FANCL: variants seen among roughly 807,000 people sequenced by gnomAD.
FANCL encodes FA complementation group L.
FANCL carries 69 observed loss-of-function variants against 59.4 expected under a neutral mutation model. The ratio of observed to expected loss-of-function variants is 1.16; its 90% CI spans 0.96 to 1.42. FANCL has a LOEUF of 1.42. FANCL is among the 40% of genes most tolerant of loss of function. The probability of loss-of-function intolerance (pLI) is 0.00; values close to 1 mark genes in which losing one functional copy is unlikely to be tolerated. For missense variants in FANCL, 519 were observed against 447.2 expected (o/e 1.16, Z -1.45); for synonymous variants, 180 against 147.1 (o/e 1.22, Z -1.62).
chr2:58,189,401 T>C (rs1573636900), intron 7 of FANCL, among the ~76,000 whole-genome samples: 1 of 152,164 alleles, frequency 6.6e-6, no homozygotes, highest in East Asian at 1.9e-4. Flanking sequence ...AAACACAAAA[T>C]AGTAACAATC....
In FANCL at chr2:58,159,305, ACTCACGT is replaced by A; in HGVS notation, c.*453_*459del. On this transcript the variant is annotated 3_prime_UTR_variant, in exon 14 of 14. Transcript: ENST00000233741. ...ACTACACAAAATAAATACTTGGATA[ACTCACGT>A]CTAACAAACTAAACTATATATGTAT... is the stretch of plus-strand genomic sequence containing the variant. 1 of 1,419,170 alleles carries A rather than the reference ACTCACGT, an allele frequency of 7.0e-7. No individual in the cohort carries two copies. The allele number at this position is 1,419,170 out of a possible 1,614,324, so 87.9% of individuals were successfully genotyped here.
chr2:58,184,578 TAATAAG>T lies in FANCL; in HGVS notation c.540+14010_540+14015del, dbSNP rs555893973. Reference sequence around the variant, plus strand: ...CCGTCTGTTTTGTGCATACATACAATAATAAGAATAAGGAAATGAATAAAAATATAA... The same window carrying T: ...CCGTCTGTTTTGTGCATACATACAATAATAAGGAAATGAATAAAAATATAA... On this transcript the variant is annotated intron_variant, in intron 7 of 13. Transcript: ENST00000233741. Among the ~76,000 whole-genome samples the T allele has an allele frequency of 2.6e-4, 39 of 152,002 alleles. No homozygotes were observed. The East Asian group carries it at 6.0e-3, about 23-fold the overall frequency.
chr2:58,235,638 T>C (rs954149037), intron 1 of FANCL, among the ~76,000 whole-genome samples: 1 of 152,024 alleles, frequency 6.6e-6, no homozygotes, highest in African/African-American at 2.4e-5. Flanking sequence ...ACCAAGCACA[T>C]ATATTTCCTG....
chr2:58,165,616 A>T, intron 8 of FANCL, 108 bp downstream of exon 8: 1 of 1,370,576 alleles, frequency 7.3e-7, no homozygotes, highest in East Asian at 2.3e-5. Context: ...AAATTTTAAT[A>T]GTTGACTTCA....
chr2:58,223,151 A>C (rs1450161109), intron 4 of FANCL, among the ~76,000 whole-genome samples: 2 of 151,306 alleles, frequency 1.3e-5, no homozygotes, highest in Non-Finnish European at 3.0e-5. Flanking sequence ...AAAAAAAAAA[A>C]ACAACTGGGA....
intron 6 of FANCL, among the ~76,000 whole-genome samples, chr2:58,202,971 A>G (rs956962928): frequency 6.6e-6 from 1 of 151,480 alleles, no homozygotes; most frequent in African/African-American, 2.4e-5. Flanking sequence ...GAAATGACAG[A>G]ACCCTTGCCA....
At chr2:58,188,717 G>A (rs1182423317) in intron 7 of FANCL, among the ~76,000 whole-genome samples, 7 of 151,620 alleles carry the variant, frequency 4.6e-5, no homozygotes, top group Non-Finnish European at 8.8e-5. Context: ...TGGGATTACG[G>A]GTGTGAGACA....
intron 5 of FANCL, among the ~76,000 whole-genome samples, chr2:58,209,886 A>T (rs761509078): frequency 4.6e-5 from 7 of 152,170 alleles, no homozygotes; most frequent in Non-Finnish European, 8.8e-5. Flanking sequence ...TATCACCATT[A>T]ATCAGCTTCT....
intron 7 of FANCL, among the ~76,000 whole-genome samples, chr2:58,168,172 C>A (rs1026061411): frequency 6.6e-6 from 1 of 152,018 alleles, no homozygotes; most frequent in Non-Finnish European, 1.5e-5. Flanking sequence ...GATGGCCAAA[C>A]AGGAACAGCT....
At chr2:58,194,757 A>C (rs1689268188) in intron 7 of FANCL, among the ~76,000 whole-genome samples, 1 of 151,930 alleles carries the variant, frequency 6.6e-6, no homozygotes, top group African/African-American at 2.4e-5. Flanking sequence ...ACATTGTGCA[A>C]GTTATAATTA....
At chr2:58,161,875 G>A (rs974202200) in intron 11 of FANCL, among the ~76,000 whole-genome samples, 1 of 151,848 alleles carries the variant, frequency 6.6e-6, no homozygotes, top group African/African-American at 2.4e-5. Context: ...GGTAAGATCA[G>A]GAAGAATGTT....
intron 7 of FANCL, among the ~76,000 whole-genome samples, chr2:58,172,093 C>T (rs1233738105): frequency 1.3e-5 from 2 of 152,224 alleles, no homozygotes; most frequent in African/African-American, 4.8e-5. Flanking sequence ...ACAAAGCAGC[C>T]GGGAAGCTCG....
chr2:58,163,637 C>T (rs1017849054), intron 8 of FANCL, 120 bp from the exon 9 acceptor site: 127 of 672,270 alleles, frequency 1.9e-4, no homozygotes, highest in Non-Finnish European at 2.8e-4. Context: ...AAAGATTAAC[C>T]AAATGTTTTG....
intron 7 of FANCL, among the ~76,000 whole-genome samples, chr2:58,197,376 G>A (rs906650120): frequency 6.6e-6 from 1 of 151,890 alleles, no homozygotes; most frequent in Non-Finnish European, 1.5e-5. Context: ...GCCAAAATGA[G>A]TAGCCTCCAT....
intron 6 of FANCL, among the ~76,000 whole-genome samples, chr2:58,203,374 GAA>G (rs1457790236): frequency 6.6e-6 from 1 of 151,288 alleles, no homozygotes; most frequent in Non-Finnish European, 1.5e-5. Context: ...ACAATCTTCT[GAA>G]AAAGAGTTGA....
chr2:58,188,923 C>G (rs994903153), intron 7 of FANCL, among the ~76,000 whole-genome samples: 1 of 151,934 alleles, frequency 6.6e-6, no homozygotes, highest in African/African-American at 2.4e-5. Flanking sequence ...TCAATACTTA[C>G]CAAAAAAAGA....
chr2:58,237,750 T>G (rs992787560), intron 1 of FANCL, among the ~76,000 whole-genome samples: 1 of 152,190 alleles, frequency 6.6e-6, no homozygotes, highest in Non-Finnish European at 1.5e-5. Flanking sequence ...CATAAATTAT[T>G]TGACACTCCT....
chr2:58,173,422 A>G (rs996003298), intron 7 of FANCL, among the ~76,000 whole-genome samples: 1 of 152,236 alleles, frequency 6.6e-6, no homozygotes, highest in Admixed American at 6.5e-5. Context: ...AGCCCATCAG[A>G]CTAACAGCTG....
At chr2:58,197,102 C>A (rs1398573468) in intron 7 of FANCL, among the ~76,000 whole-genome samples, 4 of 150,936 alleles carry the variant, frequency 2.7e-5, no homozygotes, top group Non-Finnish European at 5.9e-5. Context: ...CAGGCTCTCT[C>A]TTCTCTATTT....
Sources: gnomAD v4.1 joint callset for allele counts (sites outside exome capture counted in the v4.1 genomes callset) on GRCh38, gnomAD v4.1.1 for gene constraint, MANE v1.5 for transcripts, NCBI Gene and HGNC (gene_info 2026-07-23, HGNC 2026-07-21) for gene names.